CEMIP: variants seen among roughly 807,000 people sequenced by gnomAD.
CEMIP encodes the protein cell migration inducing hyaluronidase 1, also known as cell migration-inducing and hyaluronan-binding protein.
CEMIP carries 105 observed loss-of-function variants against 156.9 expected under a neutral mutation model. The ratio of observed to expected loss-of-function variants is 0.67; its 90% confidence interval spans 0.57 to 0.79. The LOEUF is 0.79. CEMIP is among the 30% of genes least tolerant of loss of function. The probability of loss-of-function intolerance (pLI) is 0.00; values close to 1 mark genes in which losing one functional copy is unlikely to be tolerated. For synonymous variants in CEMIP, 676 were observed against 668.4 expected, an observed-to-expected ratio of 1.01 and a Z score of -0.17; for missense variants, 1,457 against 1,769.4, an observed-to-expected ratio of 0.82 and a Z score of 3.17.
intron 1 of CEMIP, among the ~76,000 whole-genome samples, chr15:80,799,580 A>C (rs1310826137): frequency 6.6e-6 from 1 of 152,258 alleles, no homozygotes; most frequent in Non-Finnish European, 1.5e-5. Flanking sequence ...GCCCAAAGGA[A>C]AAGAAATCAA....
intron 28 of CEMIP, among the ~76,000 whole-genome samples, chr15:80,943,973 C>T (rs946719570): frequency 3.9e-5 from 6 of 152,188 alleles, no homozygotes; most frequent in African/African-American, 1.2e-4. Flanking sequence ...AGGTCTTTTC[C>T]GATCCAACCC....
chr15:80,870,304 T>C (rs1271688656), intron 1 of CEMIP, among the ~76,000 whole-genome samples: 1 of 152,202 alleles, frequency 6.6e-6, no homozygotes, highest in Admixed American at 6.5e-5. Context: ...ACCCTGCAGA[T>C]CTCATCTCGC....
chr15:80,823,670 C>A (rs1240967497), intron 1 of CEMIP, among the ~76,000 whole-genome samples: 3 of 152,174 alleles, frequency 2.0e-5, no homozygotes, highest in Admixed American at 2.0e-4. Context: ...TGGGTTCCAG[C>A]TACACCAGGT....
At chr15:80,873,837 G>C (rs1280838643) in intron 2 of CEMIP, 27 bp from the exon 3 acceptor site, 3 of 1,519,890 alleles carry the variant, frequency 2.0e-6, no homozygotes, top group Non-Finnish European at 8.9e-7. Flanking sequence ...AAGGCTGCAT[G>C]TCTGACTCTG....
At chr15:80,836,198 C>T in intron 1 of CEMIP, among the ~76,000 whole-genome samples, 1 of 151,930 alleles carries the variant, frequency 6.6e-6, no homozygotes, top group East Asian at 1.9e-4. Context: ...TCTGGTAAAG[C>T]CTTCTGTTGC....
At chr15:80,919,022 G>T (rs1168210218) in intron 14 of CEMIP, among the ~76,000 whole-genome samples, 1 of 152,180 alleles carries the variant, frequency 6.6e-6, no homozygotes, top group African/African-American at 2.4e-5. Flanking sequence ...CTGCTTGGAT[G>T]TGCTGCTGAA....
At chr15:80,840,617 G>A (rs571177603) in intron 1 of CEMIP, among the ~76,000 whole-genome samples, 2 of 152,192 alleles carry the variant, frequency 1.3e-5, no homozygotes, top group African/African-American at 4.8e-5. Flanking sequence ...CGTGCAGGGG[G>A]AAACTGCAGG....
intron 1 of CEMIP, among the ~76,000 whole-genome samples, chr15:80,849,686 A>G (rs1385431932): frequency 6.6e-6 from 1 of 152,098 alleles, no homozygotes; most frequent in Non-Finnish European, 1.5e-5. Flanking sequence ...AGAGAGAGAG[A>G]GAGTAAGCAA....
intron 1 of CEMIP, among the ~76,000 whole-genome samples, chr15:80,801,707 C>G (rs1480830588): frequency 6.6e-6 from 1 of 152,218 alleles, no homozygotes; most frequent in Non-Finnish European, 1.5e-5. Context: ...CCACCACACC[C>G]ACCTTTGATA....
intron 1 of CEMIP, among the ~76,000 whole-genome samples, chr15:80,845,868 T>C (rs562843323): frequency 6.6e-6 from 1 of 152,258 alleles, no homozygotes; most frequent in African/African-American, 2.4e-5. Flanking sequence ...ACAAGGCAAC[T>C]AGTGAAGTCA....
intron 14 of CEMIP, among the ~76,000 whole-genome samples, chr15:80,915,174 C>G (rs1900223457): frequency 6.6e-6 from 1 of 152,222 alleles, no homozygotes; most frequent in African/African-American, 2.4e-5. Context: ...TGGCCTCTAG[C>G]TACATGACTC....
chr15:80,860,780 C>G (rs1332005943), intron 1 of CEMIP, among the ~76,000 whole-genome samples: 1 of 152,150 alleles, frequency 6.6e-6, no homozygotes, highest in East Asian at 1.9e-4. Flanking sequence ...TCAACTTACC[C>G]TACCCCTTAG....
chr15:80,781,517 T>A (rs1895795633), intron 1 of CEMIP, among the ~76,000 whole-genome samples: 1 of 152,208 alleles, frequency 6.6e-6, no homozygotes, highest in South Asian at 2.1e-4. Context: ...GAAACGACAC[T>A]GGATGGGGCT....
At chr15:80,882,666 G>A (rs1242049785) in intron 6 of CEMIP, among the ~76,000 whole-genome samples, 3 of 152,074 alleles carry the variant, frequency 2.0e-5, no homozygotes, top group Non-Finnish European at 2.9e-5. Context: ...TGCTTGTTCC[G>A]AATATCTTTT....
rs572029429 is a variant in CEMIP, at chr15:80,921,998, T to C, written c.2074-11T>C. On this transcript the variant is annotated splice_polypyrimidine_tract_variant and intron_variant, in intron 16 of 29. Transcript: ENST00000394685. The stretch of plus-strand genomic sequence containing the variant: ...ACGCTGTGGCTTTTCCCTTGTGTCC[T>C]TCCCCAACAGGAAACTGGATTTTGG... 1 of 1,614,066 alleles carries C rather than the reference T, an allele frequency of 6.2e-7. No homozygotes were observed. The highest frequency in any genetic ancestry group is 1.3e-5 in the African/African-American group (1 of 75,074).
Position 80,946,903 on chromosome 15 carries a change from C to T in CEMIP, c.3858-62C>T, listed in dbSNP as rs532361593. The T allele has an allele frequency of 4.4e-5, 50 of 1,136,554 alleles. No individual in the cohort carries two copies. The African/African-American group carries it at 7.5e-4, about 17-fold the overall frequency. The allele number at this position is 1,136,554 out of a possible 1,614,324, so 70.4% of individuals were successfully genotyped here. ...CACCATGCACAAACCAACATCCCTC[C>T]CCATGCCCACTTTCTCCAGTTTGCT... On this transcript the variant is annotated intron_variant, in intron 28 of 29. Coordinates refer to ENST00000394685, the MANE Select transcript of CEMIP (RefSeq NM_001293298.2).
At chr15:80,897,187 G>T (rs957985430) in intron 12 of CEMIP, 7 of 448,136 alleles carry the variant, frequency 1.6e-5, no homozygotes, top group African/African-American at 1.4e-4. Context: ...ATACCACCTG[G>T]AGGAGTATTA....
At chr15:80,829,166 C>T (rs1039997532) in intron 1 of CEMIP, among the ~76,000 whole-genome samples, 18 of 152,176 alleles carry the variant, frequency 1.2e-4, no homozygotes, top group Non-Finnish European at 1.5e-5. Flanking sequence ...GGCCAGAGTG[C>T]CTTCAACTCC....
chr15:80,916,400 C>T (rs1187650843), intron 14 of CEMIP, among the ~76,000 whole-genome samples: 3 of 152,164 alleles, frequency 2.0e-5, no homozygotes, highest in Non-Finnish European at 2.9e-5. Flanking sequence ...ATTGCTTTCA[C>T]GACTGCCGAC....
Sources: gnomAD v4.1 joint callset for allele counts (sites outside exome capture counted in the v4.1 genomes callset) on GRCh38, gnomAD v4.1.1 for gene constraint, MANE v1.5 for transcripts, NCBI Gene and HGNC (gene_info 2026-07-23, HGNC 2026-07-21) for gene names.